The following ZC3H14 variants were observed in gnomAD, a reference collection of about 807,000 sequenced individuals.
ZC3H14 encodes zinc finger CCCH domain-containing protein 14.
Under a neutral mutation model 92.4 loss-of-function variants are expected in ZC3H14, and 31 were observed. That is an observed-to-expected ratio of 0.34 (90% CI 0.25 to 0.45). The LOEUF (loss-of-function observed/expected upper bound fraction) is 0.45. Among genes scored for constraint, ZC3H14 ranks in the 20% least tolerant of loss-of-function variants. The pLI, the probability that ZC3H14 is intolerant of heterozygous loss-of-function variation, is 1.00. For synonymous variants in ZC3H14, 321 were observed against 300.9 expected (o/e 1.07, Z -0.69); for missense variants, 781 against 897.3 (o/e 0.87, Z 1.66).
chr14:88,595,124 TATATG>T (rs1323513691), intron 9 of ZC3H14: 2 of 1,605,624 alleles, frequency 1.2e-6, no homozygotes, highest in African/African-American at 2.7e-5. Flanking sequence ...AAACTCTTAA[TATATG>T]ATATGTTCTA....
intron 9 of ZC3H14, among the ~76,000 whole-genome samples, chr14:88,587,358 G>C (rs1319743066): frequency 1.3e-5 from 2 of 151,888 alleles, no homozygotes; most frequent in African/African-American, 2.4e-5. Context: ...TAGAGACAGG[G>C]TCTCACCATC....
chr14:88,593,531 C>A (rs1566948095), intron 9 of ZC3H14, among the ~76,000 whole-genome samples: 2 of 152,192 alleles, frequency 1.3e-5, no homozygotes, highest in Non-Finnish European at 2.9e-5. Context: ...GATGACCATA[C>A]AGACCCGTGG....
At chr14:88,563,508 C>T in intron 1 of ZC3H14, 143 bp from the exon 2 acceptor site, 3 of 1,535,758 alleles carry the variant, frequency 2.0e-6, no homozygotes, top group Non-Finnish European at 2.6e-6. Flanking sequence ...GGGTGGGGGG[C>T]GGTGCAGGCG....
Position 88,572,821 on chromosome 14 carries a change from T to C in ZC3H14, c.675T>C (p.Ser225=). 1 of 1,614,196 alleles carries C rather than the reference T, an allele frequency of 6.2e-7. No individual in the cohort carries two copies. The highest frequency in any genetic ancestry group is 2.2e-5 in the East Asian group (1 of 44,886). ...CACCTGCAAGTAGAAATGCAGATAG[T>C]GGTGTTCATTTAAACAGGTTGCAAT... ...YRPPASRNAD[S]GVHLNRLQFQ... The change falls in exon 6 of 17, where the codon AGT becomes AGC. Residue 225 remains serine (S), a synonymous_variant. Coordinates refer to ENST00000251038, the MANE Select transcript of ZC3H14 (RefSeq NM_024824.5).
chr14:88,588,938 TA>T (rs1211137007), intron 9 of ZC3H14, among the ~76,000 whole-genome samples: 1 of 152,236 alleles, frequency 6.6e-6, no homozygotes, highest in East Asian at 1.9e-4. Context: ...TTTTTCATAG[TA>T]TCTTACTTTG....
Position 88,574,745 on chromosome 14 carries a change from T to TA in ZC3H14, c.921dup (p.Phe308IlefsTer4). The TA allele has an allele frequency of 1.2e-6, 2 of 1,614,086 alleles. No homozygotes were observed. The highest frequency in any genetic ancestry group is 1.7e-6 in the Non-Finnish European group (2 of 1,180,006). On this transcript the variant is annotated frameshift_variant, in exon 7 of 17. Coordinates refer to ENST00000251038, the MANE Select transcript of ZC3H14 (RefSeq NM_024824.5). LOFTEE classifies it high-confidence loss of function. ...CCTGTGGTAAGTTCAGTTGTTAAAG[T>TA]AAAAAAATTCAATCATGATGGAGAA...
rs2086872917 is a variant in ZC3H14, at chr14:88,612,075, G to A, written c.*324G>A. ...TGAAATTGACATCATGGTTAGTCATGGTACTGCAGCTTAGGGGGCTACACG... is the reference window on the plus strand; with the variant it reads ...TGAAATTGACATCATGGTTAGTCATAGTACTGCAGCTTAGGGGGCTACACG... On this transcript the variant is annotated 3_prime_UTR_variant, in exon 17 of 17. Transcript: ENST00000251038. The A allele has an allele frequency of 5.5e-6, 2 of 362,592 alleles. No individual in the cohort carries two copies. The highest frequency in any genetic ancestry group is 8.2e-4 in the Middle Eastern group (1 of 1,224). The allele number at this position is 362,592 out of a possible 1,614,324, so 22.5% of individuals were successfully genotyped here. A position where few individuals can be genotyped will look rare whatever the true frequency, so the allele number is the denominator to read the frequency against.
intron 9 of ZC3H14, among the ~76,000 whole-genome samples, chr14:88,584,556 T>C (rs2082264666): frequency 6.6e-6 from 1 of 152,244 alleles, no homozygotes; most frequent in African/African-American, 2.4e-5. Context: ...TAAGATTTAC[T>C]ATAGTACATA....
Position 88,616,668 on chromosome 14 carries a change from A to C in ZC3H14, c.*4917A>C, listed in dbSNP as rs966840950. 6.7e-7 allele frequency: 1 copy of C among 1,492,882 alleles called. No individual in the cohort carries two copies. The highest frequency in any genetic ancestry group is 9.1e-7 in the Non-Finnish European group (1 of 1,099,492). The allele number at this position is 1,492,882 out of a possible 1,614,324, so 92.5% of individuals were successfully genotyped here. On this transcript the variant is annotated 3_prime_UTR_variant, in exon 17 of 17. Coordinates refer to ENST00000251038, the MANE Select transcript of ZC3H14 (RefSeq NM_024824.5). Reference sequence around the variant, plus strand: ...TTTAAATATATGGGGAAAAGTGCTGATGATAAGACATCAAAATTAGGAGTA... The same window carrying C: ...TTTAAATATATGGGGAAAAGTGCTGCTGATAAGACATCAAAATTAGGAGTA...
intron 8 of ZC3H14, among the ~76,000 whole-genome samples, chr14:88,577,227 A>C (rs1190129038): frequency 6.6e-6 from 1 of 152,338 alleles, no homozygotes; most frequent in Admixed American, 6.5e-5. Context: ...CTCTTGACCT[A>C]ATGATATATC....
In ZC3H14 at chr14:88,622,638, G is replaced by C. The variant is rs764417007; in HGVS notation, c.*10887G>C. The C allele has an allele frequency of 1.2e-6, 2 of 1,610,706 alleles. No homozygotes were observed. Among genetic ancestry groups the C allele is most frequent in the Non-Finnish European group, 1.7e-6 (2 of 1,178,306 alleles). ...GCACACAGAACGAACACAATCTGTGGCTTGTCCTGTCTCAAGCCTGAAGGC... is the reference window on the plus strand; with the variant it reads ...GCACACAGAACGAACACAATCTGTGCCTTGTCCTGTCTCAAGCCTGAAGGC... On this transcript the variant is annotated 3_prime_UTR_variant, in exon 17 of 17. Coordinates refer to ENST00000251038, the MANE Select transcript of ZC3H14 (RefSeq NM_024824.5).
At chr14:88,608,647 T>G (rs1283726253) in intron 13 of ZC3H14, 3 of 172,618 alleles carry the variant, frequency 1.7e-5, no homozygotes, top group Non-Finnish European at 3.6e-5. Flanking sequence ...TGCCCCAGTT[T>G]GTATGCATTT....
chr14:88,563,211 C>T (rs760847416), intron 1 of ZC3H14, 42 bp downstream of exon 1: 1 of 1,588,254 alleles, frequency 6.3e-7, no homozygotes, highest in Admixed American at 1.8e-5. Flanking sequence ...CAGGTCTCGG[C>T]GAGCGGGCGG....
In ZC3H14 at chr14:88,567,124, A is replaced by ATTTATT. The variant is rs142510062; in HGVS notation, c.80-912_80-911insATTTTT. ...CTTCTTTTATTTATTTTATTTATTT[A>ATTTATT]TTTTTTTTTGAGACAGAGTCTTGCT... On this transcript the variant is annotated intron_variant, in intron 2 of 16. Coordinates refer to ENST00000251038, the MANE Select transcript of ZC3H14 (RefSeq NM_024824.5). Among the ~76,000 whole-genome samples the ATTTATT allele has an allele frequency of 6.1e-4, 89 of 145,258 alleles. 2 individuals carry two copies. Among genetic ancestry groups the ATTTATT allele is most frequent in the Admixed American group, 8.2e-4 (12 of 14,650 alleles).
At position 88,613,603 on chromosome 14, in the gene ZC3H14, A is replaced by G. The variant is rs2087161809; in HGVS notation, c.*1852A>G. 6.6e-6 allele frequency: 1 copy of G among 152,188 alleles called. No individual in the cohort carries two copies. Among genetic ancestry groups the G allele is most frequent in the Non-Finnish European group, 1.5e-5 (1 of 68,022 alleles). The allele number at this position is 152,188 out of a possible 1,614,324, so 9.4% of individuals were successfully genotyped here. The stretch of plus-strand genomic sequence containing the variant: ...GCTTATGAACAAGCTAAGGTTGACC[A>G]TAAAACATTTGTTGGATGACGTGGT... On this transcript the variant is annotated 3_prime_UTR_variant, in exon 17 of 17. Transcript: ENST00000251038.
intron 2 of ZC3H14, among the ~76,000 whole-genome samples, chr14:88,566,020 A>AC (rs1471025186): frequency 2.8e-4 from 1 of 3,540 alleles, no homozygotes; most frequent in African/African-American, 5.0e-4. Flanking sequence ...GGCACCTGCC[A>AC]CCACCCCGCC....
intron 9 of ZC3H14, among the ~76,000 whole-genome samples, chr14:88,586,134 C>G (rs2082448516): frequency 1.3e-5 from 2 of 152,218 alleles, no homozygotes. Flanking sequence ...CGCCGCTGCA[C>G]TCCAGCCTGA....
intron 10 of ZC3H14, among the ~76,000 whole-genome samples, chr14:88,600,582 C>T (rs906662389): frequency 6.6e-6 from 1 of 152,006 alleles, no homozygotes. Context: ...GCTGGGACTG[C>T]GGGCATGTGC....
rs1179969473 is a variant in ZC3H14, at chr14:88,578,107, G to A, written c.1246G>A (p.Glu416Lys). ...AATAAGTCCCCCCATTAAAGAAGAG[G>A]AAACAAAAGGAGATTCTGTAGAAAA... ...PRISPPIKEE[E>K]TKGDSVEKNQ... The change falls in exon 9 of 17, where the codon GAA (glutamate) becomes AAA (lysine). Residue 416 changes from glutamate to lysine, a missense_variant. Glu to Lys is a moderately conservative substitution (Grantham distance 56, BLOSUM62 1). Coordinates refer to ENST00000251038, the MANE Select transcript of ZC3H14 (RefSeq NM_024824.5). 3.7e-6 allele frequency: 6 copies of A among 1,613,820 alleles called. No individual in the cohort carries two copies. Among genetic ancestry groups the A allele is most frequent in the Non-Finnish European group, 8.5e-7 (1 of 1,179,992 alleles).
Sources: gnomAD v4.1 joint callset for allele counts (sites outside exome capture counted in the v4.1 genomes callset) on GRCh38, gnomAD v4.1.1 for gene constraint, MANE v1.5 for transcripts, NCBI Gene and HGNC (gene_info 2026-07-23, HGNC 2026-07-21) for gene names.